OPCML: variants seen among roughly 807,000 people sequenced by gnomAD.
OPCML encodes opioid binding protein/cell adhesion molecule like.
A neutral mutation model predicts 37.8 loss-of-function variants in OPCML; 13 were observed. The ratio of observed to expected loss-of-function variants is 0.34; its 90% CI spans 0.22 to 0.55. The LOEUF is 0.55. Among genes scored for constraint, OPCML ranks in the 20% least tolerant of loss-of-function variants. The pLI, the probability that OPCML is intolerant of heterozygous loss-of-function variation, is 0.91. For synonymous variants in OPCML, 176 were observed against 168.8 expected, an observed-to-expected ratio of 1.04 and a Z score of -0.33; for missense variants, 341 against 435.6, an observed-to-expected ratio of 0.78 and a Z score of 1.93.
At chr11:132,723,769 T>C (rs1944766504) in intron 2 of OPCML, among the ~76,000 whole-genome samples, 1 of 152,238 alleles carries the variant, frequency 6.6e-6, no homozygotes, top group Non-Finnish European at 1.5e-5. Context: ...CATTAATCTA[T>C]GGGCTTAGAG....
Position 132,720,086 on chromosome 11 carries a change from A to G in OPCML, c.147-62767T>C, listed in dbSNP as rs1055108336. 1.2e-4 allele frequency among the ~76,000 whole-genome samples: 19 copies of G among 152,346 alleles called. No individual in the cohort carries two copies. In the South Asian group the frequency reaches 3.9e-3, roughly 32 times the overall value. On this transcript the variant is annotated intron_variant, in intron 2 of 7. Coordinates refer to ENST00000524381, the MANE Select transcript of OPCML (RefSeq NM_001012393.5). ...GTAAAATGCTTGCACTGGAAAGGGAAATATCTCATAACAAATAAATGAATG... is the reference window on the plus strand; with the variant it reads ...GTAAAATGCTTGCACTGGAAAGGGAGATATCTCATAACAAATAAATGAATG...
intron 2 of OPCML, among the ~76,000 whole-genome samples, chr11:132,784,588 C>T (rs935903189): frequency 6.6e-5 from 10 of 151,880 alleles, no homozygotes; most frequent in Admixed American, 1.3e-4. Context: ...ATGCTTTGTC[C>T]CCCCCACCCC....
chr11:133,437,951 C>T (rs1231019783), intron 1 of OPCML, among the ~76,000 whole-genome samples: 1 of 151,828 alleles, frequency 6.6e-6, no homozygotes, highest in African/African-American at 2.4e-5. Context: ...GGAAATTTTG[C>T]CATCCATAAA....
chr11:133,392,042 A>G (rs1175988767), intron 1 of OPCML, among the ~76,000 whole-genome samples: 2 of 152,250 alleles, frequency 1.3e-5, no homozygotes, highest in East Asian at 1.9e-4. Flanking sequence ...TTCAAATTAC[A>G]TATAATTGTA....
chr11:133,014,447 A>C (rs1947280701), intron 1 of OPCML, among the ~76,000 whole-genome samples: 1 of 152,096 alleles, frequency 6.6e-6, no homozygotes, highest in East Asian at 1.9e-4. Context: ...CTGCTTCTAC[A>C]TCTCAAGATG....
intron 1 of OPCML, among the ~76,000 whole-genome samples, chr11:132,988,930 G>C (rs1462548608): frequency 6.6e-6 from 1 of 152,190 alleles, no homozygotes; most frequent in Non-Finnish European, 1.5e-5. Flanking sequence ...AAGCATAGCA[G>C]GGAGGAGGAA....
chr11:132,585,550 G>A (rs529786926), intron 3 of OPCML, among the ~76,000 whole-genome samples: 10 of 152,194 alleles, frequency 6.6e-5, no homozygotes, highest in African/African-American at 1.2e-4. Context: ...CAACAGCCCC[G>A]ATAATTTTGT....
intron 4 of OPCML, among the ~76,000 whole-genome samples, chr11:132,464,370 G>A (rs1190548989): frequency 2.6e-5 from 4 of 152,212 alleles, no homozygotes; most frequent in South Asian, 2.1e-4. Context: ...ATATGTACTC[G>A]TGTATTTGTT....
At chr11:133,198,496 T>C (rs979418105) in intron 1 of OPCML, among the ~76,000 whole-genome samples, 5 of 152,154 alleles carry the variant, frequency 3.3e-5, no homozygotes, top group African/African-American at 4.8e-5. Flanking sequence ...AACCAAGACA[T>C]TGGGCATGAA....
chr11:132,448,477 C>A (rs1478400958), intron 4 of OPCML, among the ~76,000 whole-genome samples: 1 of 152,204 alleles, frequency 6.6e-6, no homozygotes, highest in Non-Finnish European at 1.5e-5. Flanking sequence ...ATGCACTGAG[C>A]CCTAGTGTGC....
Position 133,228,614 on chromosome 11 carries a change from C to T in OPCML, c.62-285604G>A, listed in dbSNP as rs146088738. On this transcript the variant is annotated intron_variant, in intron 1 of 7. Coordinates refer to ENST00000524381, the MANE Select transcript of OPCML (RefSeq NM_001012393.5). ...CCTGCCGGGCCTCCCCGTCCTAGAG[C>T]TCTGCTTCTTGCCACCTGCCCCCGC... 1.5e-3 allele frequency among the ~76,000 whole-genome samples: 228 copies of T among 152,336 alleles called. 1 individual carries two copies. The highest frequency in any genetic ancestry group is 5.1e-3 in the African/African-American group (213 of 41,594).
At chr11:132,779,599 G>A (rs1383652017) in intron 2 of OPCML, among the ~76,000 whole-genome samples, 1 of 151,984 alleles carries the variant, frequency 6.6e-6, no homozygotes, top group Non-Finnish European at 1.5e-5. Flanking sequence ...TAAAAGAGAG[G>A]AAGAAACTTC....
chr11:132,580,729 T>G (rs986526971), intron 3 of OPCML, among the ~76,000 whole-genome samples: 1 of 152,174 alleles, frequency 6.6e-6, no homozygotes, highest in East Asian at 1.9e-4. Flanking sequence ...TATGGTTCTA[T>G]CCGGTTCTAT....
intron 3 of OPCML, among the ~76,000 whole-genome samples, chr11:132,625,138 T>C (rs2137944931): frequency 6.6e-6 from 1 of 152,310 alleles, no homozygotes; most frequent in South Asian, 2.1e-4. Context: ...CAAGGTCCTG[T>C]CACTTCTTAC....
rs546049478 is a variant in OPCML at position 132,879,620 on chromosome 11, CA to C, written c.146+63305del. Reference sequence around the variant, plus strand: ...ATAAAAATATGATGGGTGAGAATAACAAAGTTTGGTGTGAAGTTCCGCTGCA... The same window carrying C: ...ATAAAAATATGATGGGTGAGAATAACAAGTTTGGTGTGAAGTTCCGCTGCA... On this transcript the variant is annotated intron_variant, in intron 2 of 7. Transcript: ENST00000524381. Among the ~76,000 whole-genome samples, 299 of 152,276 alleles carry C rather than the reference CA, an allele frequency of 2.0e-3. 1 individual carries two copies. Among genetic ancestry groups the C allele is most frequent in the Admixed American group, 5.8e-3 (89 of 15,306 alleles).
intron 2 of OPCML, among the ~76,000 whole-genome samples, chr11:132,889,755 T>C (rs1565940121): frequency 6.6e-6 from 1 of 152,196 alleles, no homozygotes; most frequent in African/African-American, 2.4e-5. Flanking sequence ...CACACTTCAA[T>C]TAGTACAGGG....
intron 3 of OPCML, among the ~76,000 whole-genome samples, chr11:132,557,319 G>A (rs1391459900): frequency 1.3e-5 from 2 of 152,176 alleles, no homozygotes; most frequent in African/African-American, 2.4e-5. Flanking sequence ...GAGGTATCAC[G>A]TCCCTTAGAA....
chr11:133,174,208 G>A lies in OPCML; in HGVS notation c.62-231198C>T, dbSNP rs1305831845. Among the ~76,000 whole-genome samples, 4 of 152,164 alleles carry A rather than the reference G, an allele frequency of 2.6e-5. No homozygotes were observed. Among genetic ancestry groups the A allele is most frequent in the African/African-American group, 7.2e-5 (3 of 41,428 alleles). On this transcript the variant is annotated intron_variant, in intron 1 of 7. Transcript: ENST00000524381. The surrounding 1 kb of genome is among the most constrained non-coding windows in gnomAD (Gnocchi z 4.6). ...AATGCTTCCCTCCCCTACCACGACA[G>A]GAAGAAGGAAATGGAGCTCCGGAGT...
intron 1 of OPCML, among the ~76,000 whole-genome samples, chr11:133,377,056 G>C (rs960071996): frequency 6.6e-6 from 1 of 152,134 alleles, no homozygotes; most frequent in African/African-American, 2.4e-5. Context: ...GTAGTGTAGT[G>C]TTTCGACGTC....
Sources: allele counts gnomAD v4.1 joint callset (sites outside exome capture counted in the v4.1 genomes callset), GRCh38; gene constraint gnomAD v4.1.1; non-coding constraint Gnocchi (gnomAD v3.1); transcripts MANE v1.5; gene names NCBI Gene and HGNC (gene_info 2026-07-23, HGNC 2026-07-21).